The following AHDC1 variants were observed in gnomAD, a reference collection of about 807,000 sequenced individuals.
The protein encoded by AHDC1 is AT-hook DNA binding motif containing 1, also known as transcription factor Gibbin.
A neutral mutation model predicts 87.9 loss-of-function variants in AHDC1; 7 were observed. The observed-to-expected ratio is 0.08, with a 90% confidence interval of 0.05 to 0.15. The LOEUF (loss-of-function observed/expected upper bound fraction) is 0.15, where lower values mean the gene tolerates loss of function less well. AHDC1 is among the 10% of genes least tolerant of loss of function. The pLI, the probability that AHDC1 is intolerant of heterozygous loss-of-function variation, is 1.00. For missense variants in AHDC1, 1,841 were observed against 2,253.2 expected, an observed-to-expected ratio of 0.82 and a Z score of 3.70; for synonymous variants, 1,051 against 1,006.8, an observed-to-expected ratio of 1.04 and a Z score of -0.83.
intron 3 of AHDC1, among the ~76,000 whole-genome samples, chr1:27,584,164 A>G (rs1036498001): frequency 1.1e-4 from 16 of 152,152 alleles, no homozygotes; most frequent in Non-Finnish European, 1.9e-4. Context: ...AGCAGCTCCC[A>G]GGGGCTGGGA....
At chr1:27,543,505 G>A (rs779018731) in intron 8 of AHDC1, among the ~76,000 whole-genome samples, 15 of 152,194 alleles carry the variant, frequency 9.9e-5, no homozygotes, top group Non-Finnish European at 1.5e-4. Context: ...GATGTGACCT[G>A]CCTTTGCCCA....
Position 27,551,753 on chromosome 1 carries a change from C to T in AHDC1, c.363G>A (p.Val121=), listed in dbSNP as rs1261402660. 1 of 1,613,548 alleles carries T rather than the reference C, an allele frequency of 6.2e-7. No homozygotes were observed. The highest frequency in any genetic ancestry group is 1.3e-5 in the African/African-American group (1 of 74,850). The stretch of plus-strand genomic sequence containing the variant: ...CCTTCATGATGTCAATCAGCTGCAC[C>T]ACTGGTCGCAGGTTCACCCGCCCGT... The part of the protein sequence containing the change: ...WDNGRVNLRP[V]VQLIDIMKDL... The change falls in exon 8 of 9, where the codon GTG becomes GTA. Residue 121 remains valine, a synonymous_variant. Coordinates refer to ENST00000673934, the MANE Select transcript of AHDC1 (RefSeq NM_001371928.1).
In AHDC1 at chr1:27,548,082, C is replaced by T; in HGVS notation, c.4034G>A (p.Gly1345Glu). ...CGTGGACGGGTTCATGGAGTAGGGT[C>T]CTATGAAGTCACAGGGGTCTCGCTC... ...VGERDPCDFI[G>E]PYSMNPSTPS... The change falls in exon 8 of 9, where the codon GGA becomes GAA. Residue 1345 changes from glycine to glutamate, a missense_variant. Physicochemically the swap from Gly to Glu is moderately conservative, Grantham distance 98. Transcript: ENST00000673934. 1 of 1,613,918 alleles carries T rather than the reference C, an allele frequency of 6.2e-7. No homozygotes were observed. The highest frequency in any genetic ancestry group is 8.5e-7 in the Non-Finnish European group (1 of 1,180,026).
rs1012261461 is a variant in AHDC1 at position 27,595,899 on chromosome 1, T to C, written c.-629+7498A>G. On this transcript the variant is annotated intron_variant, in intron 3 of 8. Coordinates refer to ENST00000673934, the MANE Select transcript of AHDC1 (RefSeq NM_001371928.1). The surrounding 1 kb of genome is among the most constrained non-coding windows in gnomAD (Gnocchi z 4.0). ...TGTCGGGGGGTATCTGTATGTAGAG[T>C]GTGTGTGTGGAAGTGTGTGGGCTGG... Among the ~76,000 whole-genome samples, 11 of 150,598 alleles carry C rather than the reference T, an allele frequency of 7.3e-5. No homozygotes were observed. The highest frequency in any genetic ancestry group is 2.7e-4 in the African/African-American group (11 of 40,806).
chr1:27,560,222 G>GTC lies in AHDC1; in HGVS notation c.-628-1340_-628-1339insGA, dbSNP rs1026142205. Among the ~76,000 whole-genome samples, 1 of 151,848 alleles carries GTC rather than the reference G, an allele frequency of 6.6e-6. No homozygotes were observed. Among genetic ancestry groups the GTC allele is most frequent in the African/African-American group, 2.4e-5 (1 of 41,298 alleles). ...GTTTTGTGTGTGTGTGTGTGTGTGT[G>GTC]TGAGTCTAGCTAAGCCTGTTTGTGT... On this transcript the variant is annotated intron_variant, in intron 3 of 8. Coordinates refer to ENST00000673934, the MANE Select transcript of AHDC1 (RefSeq NM_001371928.1). The surrounding 1 kb of genome is among the most constrained non-coding windows in gnomAD (Gnocchi z 4.1).
intron 5 of AHDC1, among the ~76,000 whole-genome samples, chr1:27,554,064 T>G (rs2019694903): frequency 6.6e-6 from 1 of 152,130 alleles, no homozygotes; most frequent in South Asian, 2.1e-4. Flanking sequence ...GTGAGATCCT[T>G]TCTCCAAAAC....
In AHDC1 at chr1:27,561,347, G is replaced by T. The variant is rs187829835; in HGVS notation, c.-628-2464C>A. Among the ~76,000 whole-genome samples, 3,222 of 140,158 alleles carry T rather than the reference G, an allele frequency of 0.023. 56 individuals are homozygous for T. The highest frequency in any genetic ancestry group is 0.034 in the South Asian group (160 of 4,738). 91.9% of individuals were successfully genotyped at this position (140,158 alleles called of 152,430 possible). On this transcript the variant is annotated intron_variant, in intron 3 of 8. Coordinates refer to ENST00000673934, the MANE Select transcript of AHDC1 (RefSeq NM_001371928.1). This position sits in a 1 kb window ranked among gnomAD's most constrained non-coding sequence, Gnocchi z 4.2. ...GGGGTCTGCCTGGCCCTGAGTGTTG[G>T]GGGGGAACTTCAGGAGCAAAGCTGC...
In AHDC1 at chr1:27,549,855, T is replaced by C; in HGVS notation, c.2261A>G (p.Gln754Arg). ...CCCAAAGCCTGGGCCACTGGGCACCTGCTCTGGGAACAGAGTCCCATTCTT... is the reference window on the plus strand; with the variant it reads ...CCCAAAGCCTGGGCCACTGGGCACCCGCTCTGGGAACAGAGTCCCATTCTT... ...SRKNGTLFPEQVPSGPGFGEA... is the reference protein window; with the variant it reads ...SRKNGTLFPERVPSGPGFGEA... The change falls in exon 8 of 9, where the codon CAG (glutamine) becomes CGG (arginine). Residue 754 changes from glutamine (Q) to arginine (R), a missense_variant. Transcript: ENST00000673934. 1 of 1,613,130 alleles carries C rather than the reference T, an allele frequency of 6.2e-7. No homozygotes were observed. The highest frequency in any genetic ancestry group is 8.5e-7 in the Non-Finnish European group (1 of 1,179,362).
chr1:27,579,707 A>G (rs1234617082), intron 3 of AHDC1, among the ~76,000 whole-genome samples: 1 of 152,220 alleles, frequency 6.6e-6, no homozygotes, highest in Non-Finnish European at 1.5e-5. Flanking sequence ...TTCAAGTTTG[A>G]TTGGAACACA....
At position 27,562,632 on chromosome 1, in the gene AHDC1, G is replaced by A. The variant is rs1029950111; in HGVS notation, c.-628-3749C>T. Among the ~76,000 whole-genome samples the A allele has an allele frequency of 2.0e-5, 3 of 152,250 alleles. No homozygotes were observed. The highest frequency in any genetic ancestry group is 2.1e-4 in the South Asian group (1 of 4,826). Reference sequence around the variant, plus strand: ...ATATGGGTGAGAGGGTAGATCATGCGGGACTGAGCACCCCCCAGCTCCCAC... The same window carrying A: ...ATATGGGTGAGAGGGTAGATCATGCAGGACTGAGCACCCCCCAGCTCCCAC... On this transcript the variant is annotated intron_variant, in intron 3 of 8. Coordinates refer to ENST00000673934, the MANE Select transcript of AHDC1 (RefSeq NM_001371928.1). The surrounding 1 kb of genome is among the most constrained non-coding windows in gnomAD (Gnocchi z 4.4).
intron 5 of AHDC1, among the ~76,000 whole-genome samples, chr1:27,555,818 C>A (rs2019792637): frequency 6.6e-6 from 1 of 151,936 alleles, no homozygotes; most frequent in Non-Finnish European, 1.5e-5. Flanking sequence ...AGAAAAACCT[C>A]CTCTCCGGTG....
At position 27,558,990 on chromosome 1, in the gene AHDC1, G is replaced by A. The variant is rs1167891825; in HGVS notation, c.-628-107C>T. 2.5e-6 allele frequency: 1 copy of A among 397,710 alleles called. No individual in the cohort carries two copies. The highest frequency in any genetic ancestry group is 4.4e-6 in the Non-Finnish European group (1 of 225,920). 24.6% of individuals were successfully genotyped at this position (397,710 alleles called of 1,614,324 possible). On this transcript the variant is annotated intron_variant, in intron 3 of 8. Coordinates refer to ENST00000673934, the MANE Select transcript of AHDC1 (RefSeq NM_001371928.1). The surrounding 1 kb of genome is among the most constrained non-coding windows in gnomAD (Gnocchi z 5.6). Reference sequence around the variant, plus strand: ...GAGCCAGGAAGCTCTCCTACATGGAGTCCCATCCACCTCCAACCTCATCGC... The same window carrying A: ...GAGCCAGGAAGCTCTCCTACATGGAATCCCATCCACCTCCAACCTCATCGC...
At position 27,552,033 on chromosome 1, in the gene AHDC1, T is replaced by C; in HGVS notation, c.83A>G (p.Tyr28Cys). The C allele has an allele frequency of 6.8e-7, 1 of 1,479,992 alleles. No individual in the cohort carries two copies. Among genetic ancestry groups the C allele is most frequent in the Non-Finnish European group, 9.0e-7 (1 of 1,117,076 alleles). 91.7% of individuals were successfully genotyped at this position (1,479,992 alleles called of 1,614,324 possible). ...SPDYLREPKY[Y>C]PGGPPTPRPL... is the part of the protein sequence containing the mutation. ...CCGGGGGGTGGGGGGGCCGCCGGGG[T>C]AGTACTTGGGTTCCCGGAGGTAGTC... Residue 28 changes from tyrosine to cysteine, a missense_variant, in exon 8 of 9, where the codon TAC becomes TGC. Physicochemically the swap from Tyr to Cys is radical, Grantham distance 194. Coordinates refer to ENST00000673934, the MANE Select transcript of AHDC1 (RefSeq NM_001371928.1).
chr1:27,576,378 A>T (rs2148421104), intron 3 of AHDC1, among the ~76,000 whole-genome samples: 1 of 152,280 alleles, frequency 6.6e-6, no homozygotes, highest in Middle Eastern at 3.4e-3. Flanking sequence ...CGGACATCTG[A>T]ACAATGCGTT....
chr1:27,600,696 G>A (rs1028976671), intron 3 of AHDC1, among the ~76,000 whole-genome samples: 1 of 152,088 alleles, frequency 6.6e-6, no homozygotes, highest in Non-Finnish European at 1.5e-5. Context: ...CTTCTGCCAG[G>A]GGCAGTCTGC....
chr1:27,575,465 C>G (rs2088694210), intron 3 of AHDC1, among the ~76,000 whole-genome samples: 1 of 151,996 alleles, frequency 6.6e-6, no homozygotes, highest in Non-Finnish European at 1.5e-5. Context: ...GGCGAGGTCT[C>G]CCCCCACCAC....
chr1:27,544,672 T>C (rs2148237058), intron 8 of AHDC1, among the ~76,000 whole-genome samples: 1 of 152,292 alleles, frequency 6.6e-6, no homozygotes, highest in East Asian at 1.9e-4. Flanking sequence ...TCTTTCTCAT[T>C]CCCGTGGTGA....
rs1055065730 is a variant in AHDC1, at chr1:27,565,068, G to A, written c.-628-6185C>T. On this transcript the variant is annotated intron_variant, in intron 3 of 8. Coordinates refer to ENST00000673934, the MANE Select transcript of AHDC1 (RefSeq NM_001371928.1). This position sits in a 1 kb window ranked among gnomAD's most constrained non-coding sequence, Gnocchi z 4.6. ...CCTGGGGGACTGAGTAAAGCGTGGCGACAGATGGCCTGCCGAGGCAGCGGC... is the reference window on the plus strand; with the variant it reads ...CCTGGGGGACTGAGTAAAGCGTGGCAACAGATGGCCTGCCGAGGCAGCGGC... Among the ~76,000 whole-genome samples, 33 of 152,300 alleles carry A rather than the reference G, an allele frequency of 2.2e-4. No homozygotes were observed. The highest frequency in any genetic ancestry group is 7.7e-4 in the African/African-American group (32 of 41,566).
At chr1:27,539,138 CTTTTTTTTTTTT>C (rs112072152) in intron 8 of AHDC1, among the ~76,000 whole-genome samples, 1 of 125,374 alleles carries the variant, frequency 8.0e-6, no homozygotes, top group South Asian at 2.7e-4. Context: ...TTTTTCTTTT[CTTTTTTTTTTTT>C]TTTTTTGGAG....
Sources: allele counts gnomAD v4.1 joint callset (sites outside exome capture counted in the v4.1 genomes callset), GRCh38; gene constraint gnomAD v4.1.1; non-coding constraint Gnocchi (gnomAD v3.1); transcripts MANE v1.5; gene names NCBI Gene and HGNC (gene_info 2026-07-23, HGNC 2026-07-21).